The following BCL9 variants were observed in gnomAD, a reference collection of about 807,000 sequenced individuals.
The protein encoded by BCL9 is BCL9 transcription coactivator.
BCL9 carries 25 observed loss-of-function variants against 88.5 expected under a neutral mutation model. The ratio of observed to expected loss-of-function variants is 0.28; its 90% CI spans 0.21 to 0.39. The LOEUF (loss-of-function observed/expected upper bound fraction) is 0.39. Ranked by LOEUF, BCL9 falls within the 10% of genes least tolerant of loss-of-function variation. The probability of loss-of-function intolerance (pLI) is 1.00; values close to 1 mark genes in which losing one functional copy is unlikely to be tolerated. For missense variants in BCL9, 1,817 were observed against 1,877.8 expected (o/e 0.97, Z 0.60); for synonymous variants, 711 against 673.3 (o/e 1.06, Z -0.87).
chr1:147,616,370 A>T (rs1282233363), intron 7 of BCL9, among the ~76,000 whole-genome samples: 1 of 152,234 alleles, frequency 6.6e-6, no homozygotes, highest in African/African-American at 2.4e-5. Context: ...TCAAAGTGAT[A>T]AGACCATTGA....
At chr1:147,603,730 C>T (rs1657516253) in intron 1 of BCL9, among the ~76,000 whole-genome samples, 1 of 151,628 alleles carries the variant, frequency 6.6e-6, no homozygotes, top group South Asian at 2.1e-4. Context: ...AGGCTGGTCT[C>T]GAACTCCTGA....
rs587602727 is a variant in BCL9, at chr1:147,615,986, G to T, written c.660+84G>T. 5.2e-4 allele frequency: 700 copies of T among 1,346,218 alleles called. 8 individuals carry two copies. In the South Asian group the frequency reaches 7.0e-3, roughly 14 times the overall value. 83.4% of individuals were successfully genotyped at this position (1,346,218 alleles called of 1,614,324 possible). On this transcript the variant is annotated intron_variant, in intron 7 of 9. Coordinates refer to ENST00000234739, the MANE Select transcript of BCL9 (RefSeq NM_004326.4). ...AGGAGGTGGTGAATTTAATTGATAGGAAGGTAGTCTTGATGGCATGAGTTG... is the reference window on the plus strand; with the variant it reads ...AGGAGGTGGTGAATTTAATTGATAGTAAGGTAGTCTTGATGGCATGAGTTG...
chr1:147,559,406 A>C (rs1238275589), intron 1 of BCL9, among the ~76,000 whole-genome samples: 1 of 152,148 alleles, frequency 6.6e-6, no homozygotes, highest in Non-Finnish European at 1.5e-5. Context: ...TAAACATAGC[A>C]GTTGCTTTAT....
At chr1:147,594,255 T>C (rs1553200250) in intron 1 of BCL9, among the ~76,000 whole-genome samples, 1 of 152,222 alleles carries the variant, frequency 6.6e-6, no homozygotes, top group African/African-American at 2.4e-5. Context: ...GAATATCTAT[T>C]GCAACGGTCC....
chr1:147,561,503 G>T (rs1259492368), intron 1 of BCL9, among the ~76,000 whole-genome samples: 1 of 152,114 alleles, frequency 6.6e-6, no homozygotes, highest in Non-Finnish European at 1.5e-5. Flanking sequence ...TCCCTCTTAT[G>T]ATTATTCATA....
chr1:147,576,158 G>T (rs1656103158), intron 1 of BCL9, among the ~76,000 whole-genome samples: 1 of 151,576 alleles, frequency 6.6e-6, no homozygotes. Flanking sequence ...ATATATTCAG[G>T]GATTAAGAAC....
intron 1 of BCL9, among the ~76,000 whole-genome samples, chr1:147,602,347 G>T (rs1570889814): frequency 6.6e-6 from 1 of 151,754 alleles, no homozygotes; most frequent in African/African-American, 2.4e-5. Context: ...CAGTAGCTGG[G>T]ATTACAGGCA....
Position 147,620,058 on chromosome 1 carries a change from C to G in BCL9, c.1903C>G (p.Gln635Glu). ...ATTGTCTGAAGAGATGTTTCAGCAGCAGCTGGCAGAGAAACAGCTGGGTCT... is the reference window on the plus strand; with the variant it reads ...ATTGTCTGAAGAGATGTTTCAGCAGGAGCTGGCAGAGAAACAGCTGGGTCT... Reference protein sequence around the residue: ...QGLSEEMFQQQLAEKQLGLPP... With the variant: ...QGLSEEMFQQELAEKQLGLPP... Residue 635 changes from glutamine to glutamate, a missense_variant, in exon 8 of 10, where the codon CAG (glutamine) becomes GAG (glutamate). Physicochemically the swap from Gln to Glu is conservative, Grantham distance 29. This residue lies in a region of BCL9 where 1,228 missense variants were observed against 1,191.6 expected (regional missense o/e 1.03). Transcript: ENST00000234739. The G allele has an allele frequency of 6.2e-7, 1 of 1,614,176 alleles. No homozygotes were observed. The highest frequency in any genetic ancestry group is 1.1e-5 in the South Asian group (1 of 91,084).
intron 1 of BCL9, among the ~76,000 whole-genome samples, chr1:147,573,865 T>A (rs1365516244): frequency 6.6e-6 from 1 of 152,168 alleles, no homozygotes; most frequent in African/African-American, 2.4e-5. Context: ...CTCAGTCATG[T>A]GTTTTTTTCC....
At chr1:147,574,860 C>T (rs962975587) in intron 1 of BCL9, among the ~76,000 whole-genome samples, 1 of 152,086 alleles carries the variant, frequency 6.6e-6, no homozygotes, top group Non-Finnish European at 1.5e-5. Context: ...CCTCAGTGGC[C>T]AAGGTGAGTG....
intron 1 of BCL9, among the ~76,000 whole-genome samples, chr1:147,552,975 AT>A (rs111605988): frequency 4.0e-5 from 6 of 148,916 alleles, no homozygotes; most frequent in African/African-American, 4.9e-5. Context: ...GGAATTTCCA[AT>A]TTTTTTTTTT....
At chr1:147,575,573 A>G (rs1218570097) in intron 1 of BCL9, among the ~76,000 whole-genome samples, 1 of 152,084 alleles carries the variant, frequency 6.6e-6, no homozygotes, top group East Asian at 1.9e-4. Flanking sequence ...CTTTTTTTTA[A>G]TGTTAAAAAC....
At chr1:147,621,261 CAGAG>C (rs1305448281) in intron 8 of BCL9, among the ~76,000 whole-genome samples, 2 of 149,906 alleles carry the variant, frequency 1.3e-5, no homozygotes, top group African/African-American at 4.9e-5. Context: ...ATACGTATGT[CAGAG>C]AGACTGTTAA....
intron 1 of BCL9, among the ~76,000 whole-genome samples, chr1:147,586,345 A>G (rs1290363395): frequency 1.3e-5 from 2 of 152,012 alleles, no homozygotes; most frequent in Non-Finnish European, 2.9e-5. Flanking sequence ...TAGCCGTTTA[A>G]CTGGGTCCCC....
At chr1:147,548,266 G>C (rs1009200550) in intron 1 of BCL9, among the ~76,000 whole-genome samples, 1 of 152,172 alleles carries the variant, frequency 6.6e-6, no homozygotes, top group Admixed American at 6.5e-5. Flanking sequence ...TTGCTCTAAG[G>C]ATGCTTGGAT....
rs1658560947 is a variant in BCL9, at chr1:147,620,457, C to G, written c.2302C>G (p.Pro768Ala). The change falls in exon 8 of 10, where the codon CCA becomes GCA. Residue 768 changes from proline (P) to alanine (A), a missense_variant. Around this residue, in one of 2 missense-constraint regions of BCL9, gnomAD observed 1,228 missense variants for 1,191.6 expected, o/e 1.03. Coordinates refer to ENST00000234739, the MANE Select transcript of BCL9 (RefSeq NM_004326.4). ...TGCTCAGCAGAAGATGGTGCCACTG[C>G]CATTTGGTGAGCACCCCCAGCAGGA... ...LPAQQKMVPL[P>A]FGEHPQQEYG... The G allele has an allele frequency of 6.2e-7, 1 of 1,614,046 alleles. No individual in the cohort carries two copies. Among genetic ancestry groups the G allele is most frequent in the Non-Finnish European group, 8.5e-7 (1 of 1,179,976 alleles).
chr1:147,609,336 T>C (rs1553202356), intron 3 of BCL9, among the ~76,000 whole-genome samples: 2 of 152,218 alleles, frequency 1.3e-5, no homozygotes, highest in Non-Finnish European at 2.9e-5. Flanking sequence ...GGACAACTTA[T>C]TTCCTTGGGC....
chr1:147,620,574 G>A lies in BCL9; in HGVS notation c.2419G>A (p.Asp807Asn), dbSNP rs587607792. 7 of 1,613,930 alleles carry A rather than the reference G, an allele frequency of 4.3e-6. No homozygotes were observed. The highest frequency in any genetic ancestry group is 3.3e-5 in the South Asian group (3 of 91,066). The change falls in exon 8 of 10, where the codon GAC becomes AAC. Residue 807 changes from aspartate (D) to asparagine (N), a missense_variant. This residue lies in a region of BCL9 where 1,228 missense variants were observed against 1,191.6 expected (regional missense o/e 1.03). Coordinates refer to ENST00000234739, the MANE Select transcript of BCL9 (RefSeq NM_004326.4). ...LRNLREPIGP[D>N]QRTNSRLSHM... ...GAATCTCAGAGAACCAATTGGGCCC[G>A]ACCAGAGGACTAACAGCCGGCTCAG... is the stretch of plus-strand genomic sequence containing the variant.
intron 1 of BCL9, among the ~76,000 whole-genome samples, chr1:147,595,499 A>C (rs782314823): frequency 2.0e-5 from 3 of 152,234 alleles, no homozygotes; most frequent in Non-Finnish European, 4.4e-5. Flanking sequence ...ATCTAGGAGA[A>C]TGAAACAAAA....
Sources: gnomAD v4.1 joint callset for allele counts (sites outside exome capture counted in the v4.1 genomes callset) on GRCh38, gnomAD v4.1.1 for gene constraint, gnomAD v4.1.1 regional missense constraint, MANE v1.5 for transcripts, NCBI Gene and HGNC (gene_info 2026-07-23, HGNC 2026-07-21) for gene names.